Variants in OTOGL observed in about 807,000 individuals in gnomAD.
OTOGL encodes the protein otogelin like.
A neutral mutation model predicts 318.5 loss-of-function variants in OTOGL; 285 were observed. The ratio of observed to expected loss-of-function variants is 0.89; its 90% CI spans 0.81 to 0.99. The LOEUF is 0.99. OTOGL is among the 50% of genes least tolerant of loss of function. The pLI, the probability that OTOGL is intolerant of heterozygous loss-of-function variation, is 0.00. For missense variants in OTOGL, 2,899 were observed against 2,845.6 expected (o/e 1.02, Z -0.43); for synonymous variants, 987 against 936.5 (o/e 1.05, Z -0.99).
At chr12:80,222,840 C>T (rs943658160) in intron 7 of OTOGL, among the ~76,000 whole-genome samples, 115 of 152,266 alleles carry the variant, frequency 7.6e-4, no homozygotes, top group African/African-American at 2.6e-3. Flanking sequence ...TTTTTACTTA[C>T]GTTGGGGCTG....
intron 1 of OTOGL, among the ~76,000 whole-genome samples, chr12:80,169,261 C>G (rs2137212097): frequency 6.6e-6 from 1 of 152,272 alleles, no homozygotes; most frequent in East Asian, 1.9e-4. Context: ...CCTCTTTCAT[C>G]CCTCCATTTC....
At chr12:80,320,371 T>A (rs1424492501) in intron 33 of OTOGL, 51 bp from the exon 34 acceptor site, 3 of 1,503,366 alleles carry the variant, frequency 2.0e-6, no homozygotes, top group Non-Finnish European at 2.7e-6. Context: ...GTGATGCCAA[T>A]GTTGATGATC....
rs745494480 is a variant in OTOGL at position 80,270,139 on chromosome 12, G to C, written c.2503G>C (p.Ala835Pro). ...SNGTVKCDEL[A>P]TPSAVHICPE... The stretch of plus-strand genomic sequence containing the variant: ...TGGGACTGTGAAATGTGATGAATTA[G>C]CAACGCCCTCTGCTGGTAAGATCTT... Residue 835 changes from alanine (A) to proline (P), a missense_variant, in exon 23 of 59, where the codon GCA becomes CCA. Ala to Pro is a conservative substitution (Grantham distance 27, BLOSUM62 -1). This residue lies in a region of OTOGL where 2,607 missense variants were observed against 2,524.9 expected (regional missense o/e 1.03). Transcript: ENST00000547103. 4 of 1,604,574 alleles carry C rather than the reference G, an allele frequency of 2.5e-6. 1 individual carries two copies. The South Asian group carries it at 4.4e-5, about 18-fold the overall frequency.
intron 57 of OTOGL, among the ~76,000 whole-genome samples, chr12:80,373,720 A>G (rs1015202241): frequency 2.0e-5 from 3 of 151,728 alleles, no homozygotes; most frequent in South Asian, 2.1e-4. Context: ...CCAAAATCCA[A>G]TGAAATAGGT....
At chr12:80,173,267 C>G (rs1046924168) in intron 1 of OTOGL, among the ~76,000 whole-genome samples, 1 of 151,804 alleles carries the variant, frequency 6.6e-6, no homozygotes, top group Non-Finnish European at 1.5e-5. Flanking sequence ...CTGGGCTGCT[C>G]TACTGAATAT....
chr12:80,251,812 A>G lies in OTOGL; in HGVS notation c.1159+13A>G. 1 of 1,552,010 alleles carries G rather than the reference A, an allele frequency of 6.4e-7. No homozygotes were observed. Among genetic ancestry groups the G allele is most frequent in the Admixed American group, 1.9e-5 (1 of 51,300 alleles). ...TTTCCAGCATGCAGTATGTTTTTTT[A>G]TTTTCCAAGCCCTGTGTACTTTTGC... On this transcript the variant is annotated intron_variant, in intron 12 of 58. Transcript: ENST00000547103.
intron 1 of OTOGL, among the ~76,000 whole-genome samples, chr12:80,186,574 A>T (rs1475970077): frequency 1.3e-5 from 2 of 152,196 alleles, no homozygotes; most frequent in Non-Finnish European, 2.9e-5. Flanking sequence ...CAAATAAAGA[A>T]TAAATGCCTA....
chr12:80,341,645 A>G (rs1488865321), intron 43 of OTOGL, among the ~76,000 whole-genome samples: 2 of 152,182 alleles, frequency 1.3e-5, no homozygotes. Context: ...GTAGTAATGG[A>G]AGAGTATAGG....
In OTOGL at chr12:80,251,767, TTCAA is replaced by T; in HGVS notation, c.1128_1131del (p.Ile376MetfsTer55). 1 of 1,588,374 alleles carries T rather than the reference TTCAA, an allele frequency of 6.3e-7. No individual in the cohort carries two copies. Among genetic ancestry groups the T allele is most frequent in the Non-Finnish European group, 8.6e-7 (1 of 1,166,206 alleles). ...GCCTGCTCTCATGCTGGCTACCCTATTCAAGACTGGAGAGATGACTTTCCAGCAT... is the reference window on the plus strand; with the variant it reads ...GCCTGCTCTCATGCTGGCTACCCTATGACTGGAGAGATGACTTTCCAGCAT... On this transcript the variant is annotated frameshift_variant, in exon 12 of 59. Coordinates refer to ENST00000547103, the MANE Select transcript of OTOGL (RefSeq NM_001378609.3). LOFTEE classifies it high-confidence loss of function.
At chr12:80,273,373 G>T (rs953756275) in intron 24 of OTOGL, among the ~76,000 whole-genome samples, 1 of 151,974 alleles carries the variant, frequency 6.6e-6, no homozygotes, top group Non-Finnish European at 1.5e-5. Flanking sequence ...GCAGTTTATT[G>T]ACTGTAAAAG....
Position 80,253,610 on chromosome 12 carries a change from A to G in OTOGL, c.1394+36A>G, listed in dbSNP as rs1881769179. ...AGTGTGCAGCCAATTATTTCTGGGT[A>G]CTTGGCTAGTTGACAACTTTACCAT... On this transcript the variant is annotated intron_variant, in intron 14 of 58. Transcript: ENST00000547103. The G allele has an allele frequency of 2.0e-6, 3 of 1,518,956 alleles. No homozygotes were observed. The African/African-American group carries it at 4.1e-5, about 21-fold the overall frequency. 94.1% of individuals were successfully genotyped at this position (1,518,956 alleles called of 1,614,324 possible). A position where few individuals can be genotyped will look rare whatever the true frequency, so the allele number is the denominator to read the frequency against.
At chr12:80,374,283 C>G (rs954021910) in intron 57 of OTOGL, among the ~76,000 whole-genome samples, 1 of 152,032 alleles carries the variant, frequency 6.6e-6, no homozygotes, top group Non-Finnish European at 1.5e-5. Flanking sequence ...TACATGAACA[C>G]CAGTAATATT....
intron 37 of OTOGL, among the ~76,000 whole-genome samples, chr12:80,331,333 A>ATTTTTTTTT (rs386377119): frequency 7.3e-5 from 6 of 81,816 alleles, no homozygotes; most frequent in Non-Finnish European, 1.3e-4. Flanking sequence ...AGTCATTAGA[A>ATTTTTTTTT]TTTTTTTTTT....
chr12:80,135,703 G>A (rs1373604451), intron 1 of OTOGL, among the ~76,000 whole-genome samples: 2 of 152,220 alleles, frequency 1.3e-5, no homozygotes, highest in Non-Finnish European at 2.9e-5. Flanking sequence ...TAGGCCATGG[G>A]ATATCTAGAT....
chr12:80,134,550 G>A (rs183856338), intron 1 of OTOGL, among the ~76,000 whole-genome samples: 1 of 152,294 alleles, frequency 6.6e-6, no homozygotes, highest in East Asian at 1.9e-4. Flanking sequence ...CACAAAATAT[G>A]TCTTCTAATA....
intron 1 of OTOGL, among the ~76,000 whole-genome samples, chr12:80,173,154 T>A (rs1874318030): frequency 6.6e-6 from 1 of 151,154 alleles, no homozygotes; most frequent in Non-Finnish European, 1.5e-5. Context: ...CAATATTTAC[T>A]TTATAAGATT....
chr12:80,275,708 C>G (rs111982032), intron 24 of OTOGL, among the ~76,000 whole-genome samples: 10,054 of 151,746 alleles, frequency 0.066, 404 homozygotes, highest in Non-Finnish European at 0.085. Context: ...TGTCTTATTT[C>G]AAGAAATTGC....
At chr12:80,128,370 C>T (rs1198574452) in intron 1 of OTOGL, among the ~76,000 whole-genome samples, 1 of 152,172 alleles carries the variant, frequency 6.6e-6, no homozygotes, top group Non-Finnish European at 1.5e-5. Flanking sequence ...TGGTGAACAG[C>T]AAATGTTGCT....
Position 80,279,016 on chromosome 12 carries a change from A to AT in OTOGL, c.2790-6dup, listed in dbSNP as rs770814132. The AT allele has an allele frequency of 3.2e-5, 45 of 1,398,854 alleles. No individual in the cohort carries two copies. Among genetic ancestry groups the AT allele is most frequent in the Non-Finnish European group, 4.0e-5 (42 of 1,038,344 alleles). The allele number at this position is 1,398,854 out of a possible 1,614,324, so 86.7% of individuals were successfully genotyped here. A position where few individuals can be genotyped will look rare whatever the true frequency, so the allele number is the denominator to read the frequency against. On this transcript the variant is annotated splice_polypyrimidine_tract_variant and intron_variant, in intron 25 of 58. Coordinates refer to ENST00000547103, the MANE Select transcript of OTOGL (RefSeq NM_001378609.3). The stretch of plus-strand genomic sequence containing the variant: ...TTTCTTTAGAAAGGTAACTTTTGTT[A>AT]TTTTTTAATAGCGTTTGTCGACGAG...
Sources: gnomAD v4.1 joint callset for allele counts (sites outside exome capture counted in the v4.1 genomes callset) on GRCh38, gnomAD v4.1.1 for gene constraint, gnomAD v4.1.1 regional missense constraint, MANE v1.5 for transcripts, NCBI Gene and HGNC (gene_info 2026-07-23, HGNC 2026-07-21) for gene names.